CYFIP2: variants seen among roughly 807,000 people sequenced by gnomAD.
CYFIP2 encodes the protein cytoplasmic FMR1-interacting protein 2.
CYFIP2 carries 29 observed loss-of-function variants against 158.7 expected under a neutral mutation model. The observed-to-expected ratio is 0.18, with a 90% CI of 0.14 to 0.25. The LOEUF is 0.25. CYFIP2 is among the 10% of genes least tolerant of loss of function. The pLI is 1.00. For missense variants in CYFIP2, 852 were observed against 1,639.5 expected, an observed-to-expected ratio of 0.52 and a Z score of 8.29; for synonymous variants, 585 against 617.6, an observed-to-expected ratio of 0.95 and a Z score of 0.78.
At chr5:157,346,499 G>A (rs1762704676) in intron 23 of CYFIP2, among the ~76,000 whole-genome samples, 3 of 152,156 alleles carry the variant, frequency 2.0e-5, no homozygotes, top group Non-Finnish European at 4.4e-5. Flanking sequence ...GAAAACAGAG[G>A]CAGAGAGTGG....
At chr5:157,310,479 A>G (rs1380105446) in intron 10 of CYFIP2, among the ~76,000 whole-genome samples, 3 of 152,208 alleles carry the variant, frequency 2.0e-5, no homozygotes, top group Admixed American at 6.5e-5. Flanking sequence ...TCTTAAGAAG[A>G]TATGAATGGA....
At chr5:157,294,612 T>C (rs1184625878) in intron 3 of CYFIP2, among the ~76,000 whole-genome samples, 171 bp from the exon 4 acceptor site, 3 of 152,154 alleles carry the variant, frequency 2.0e-5, no homozygotes, top group African/African-American at 7.2e-5. Context: ...CACATTCTTA[T>C]TGCATAGGCC....
intron 29 of CYFIP2, 100 bp downstream of exon 29, chr5:157,389,527 G>T: frequency 8.8e-7 from 1 of 1,131,568 alleles, no homozygotes; most frequent in Non-Finnish European, 1.2e-6. Context: ...GGCAGGGGGT[G>T]GGGGTGGTTG....
At chr5:157,306,562 T>C (rs758931141) in intron 8 of CYFIP2, among the ~76,000 whole-genome samples, 18 of 152,176 alleles carry the variant, frequency 1.2e-4, no homozygotes, top group Admixed American at 3.3e-4. Flanking sequence ...TCTGCTCTTA[T>C]GCAGAAAACG....
At position 157,321,500 on chromosome 5, in the gene CYFIP2, A is replaced by G. The variant is rs559391632; in HGVS notation, c.1671+698A>G. 2.4e-4 allele frequency among the ~76,000 whole-genome samples: 37 copies of G among 152,330 alleles called. No individual in the cohort carries two copies. The South Asian group carries it at 7.7e-3, about 32-fold the overall frequency. The stretch of plus-strand genomic sequence containing the variant: ...CAGAGCAGTCATAACGTTACAGAAA[A>G]AAAAGTCAATAATCTGGGCATCTTC... On this transcript the variant is annotated intron_variant, in intron 15 of 30. Coordinates refer to ENST00000620254, the MANE Select transcript of CYFIP2 (RefSeq NM_001037333.3).
intron 3 of CYFIP2, among the ~76,000 whole-genome samples, chr5:157,290,466 G>A (rs1230292335): frequency 6.6e-6 from 1 of 152,114 alleles, no homozygotes; most frequent in Non-Finnish European, 1.5e-5. Flanking sequence ...TGAGTACCTT[G>A]TGTTTACACT....
chr5:157,324,124 TC>T (rs1760821656), intron 16 of CYFIP2, 50 bp downstream of exon 16: 1 of 1,551,508 alleles, frequency 6.4e-7, no homozygotes, highest in African/African-American at 1.4e-5. Context: ...GGATGAGGGC[TC>T]TCAGAGCCGC....
intron 3 of CYFIP2, among the ~76,000 whole-genome samples, chr5:157,287,564 TTC>T (rs566408551): frequency 8.1e-4 from 123 of 152,340 alleles, no homozygotes; most frequent in African/African-American, 2.8e-3. Context: ...AGTTATTATT[TTC>T]TCTCTTAGAG....
chr5:157,309,329 C>G (rs756337205), intron 9 of CYFIP2, among the ~76,000 whole-genome samples: 1 of 152,208 alleles, frequency 6.6e-6, no homozygotes, highest in Non-Finnish European at 1.5e-5. Flanking sequence ...AAAGTACAGA[C>G]TTTCTCAGGA....
At chr5:157,374,842 C>G (rs1236046621) in intron 26 of CYFIP2, among the ~76,000 whole-genome samples, 1 of 152,216 alleles carries the variant, frequency 6.6e-6, no homozygotes, top group African/African-American at 2.4e-5. Flanking sequence ...ATTGCACATT[C>G]CAGTCACTTG....
chr5:157,382,754 G>C (rs1309574305), intron 27 of CYFIP2, 92 bp downstream of exon 27: 8 of 1,311,566 alleles, frequency 6.1e-6, no homozygotes, highest in South Asian at 2.5e-5. Context: ...TAGTCAGCAA[G>C]GGGGAAGGTT....
intron 23 of CYFIP2, among the ~76,000 whole-genome samples, chr5:157,349,311 ATTC>A (rs1258400583): frequency 3.9e-5 from 6 of 152,062 alleles, no homozygotes; most frequent in African/African-American, 1.4e-4. Context: ...TCATTGTATC[ATTC>A]TTAATGCCTT....
chr5:157,353,610 G>T (rs949630681), intron 23 of CYFIP2, among the ~76,000 whole-genome samples: 11 of 152,144 alleles, frequency 7.2e-5, no homozygotes, highest in African/African-American at 2.7e-4. Context: ...TCAGTCCTTG[G>T]CACTGTCTTG....
At chr5:157,383,234 C>G (rs887732424) in intron 27 of CYFIP2, 31 bp from the exon 28 acceptor site, 4 of 1,605,252 alleles carry the variant, frequency 2.5e-6, no homozygotes, top group Non-Finnish European at 2.6e-6. Context: ...TTCCCTGAGT[C>G]TCATTTTCTG....
chr5:157,285,307 T>C lies in CYFIP2; in HGVS notation c.-23-32T>C. On this transcript the variant is annotated intron_variant, in intron 1 of 30. Coordinates refer to ENST00000620254, the MANE Select transcript of CYFIP2 (RefSeq NM_001037333.3). ...AGAGGAATTTTAGAGGCCCCTGAAA[T>C]TCTCCACTGACCTTCTCTTCCTTCC... is the stretch of plus-strand genomic sequence containing the variant. 2.1e-6 allele frequency: 3 copies of C among 1,462,846 alleles called. No homozygotes were observed. In the South Asian group the frequency reaches 3.6e-5, roughly 18 times the overall value. 90.6% of individuals were successfully genotyped at this position (1,462,846 alleles called of 1,614,324 possible).
chr5:157,330,282 G>GTGTGTGTGTGTGTT (rs1195482811), intron 19 of CYFIP2, among the ~76,000 whole-genome samples: 2 of 135,310 alleles, frequency 1.5e-5, no homozygotes, highest in African/African-American at 5.7e-5. Context: ...GTGTGTGTGT[G>GTGTGTGTGTGTGTT]TGTTTGTGTT....
chr5:157,369,739 G>A (rs1400802037), intron 26 of CYFIP2, among the ~76,000 whole-genome samples: 1 of 152,112 alleles, frequency 6.6e-6, no homozygotes, highest in African/African-American at 2.4e-5. Context: ...AATGGACATC[G>A]CCAAGCACCA....
At chr5:157,303,684 C>T (rs965887456) in intron 7 of CYFIP2, among the ~76,000 whole-genome samples, 3 of 152,134 alleles carry the variant, frequency 2.0e-5, no homozygotes, top group Non-Finnish European at 2.9e-5. Context: ...GAAGTACCAG[C>T]AGTGCCCTCC....
At chr5:157,384,330 G>T (rs1183354644) in intron 28 of CYFIP2, 1 of 456,666 alleles carries the variant, frequency 2.2e-6, no homozygotes, top group Non-Finnish European at 4.4e-6. Flanking sequence ...TCACATTTTG[G>T]GGGCAGGCAG....
Sources: allele counts gnomAD v4.1 joint callset (sites outside exome capture counted in the v4.1 genomes callset), GRCh38; gene constraint gnomAD v4.1.1; transcripts MANE v1.5; gene names NCBI Gene and HGNC (gene_info 2026-07-23, HGNC 2026-07-21).